EPS15L1: variants seen among roughly 807,000 people sequenced by gnomAD.
The protein encoded by EPS15L1 is epidermal growth factor receptor substrate 15-like 1.
In EPS15L1, 43 loss-of-function variants were observed where a neutral mutation model predicts 117.1. The observed-to-expected ratio is 0.37, with a 90% confidence interval of 0.29 to 0.47. The LOEUF (loss-of-function observed/expected upper bound fraction) is 0.47. Ranked by LOEUF, EPS15L1 falls within the 20% of genes least tolerant of loss-of-function variation. The pLI is 0.99. For missense variants in EPS15L1, 981 were observed against 1,164.0 expected, an observed-to-expected ratio of 0.84 and a Z score of 2.29; for synonymous variants, 459 against 470.5, an observed-to-expected ratio of 0.98 and a Z score of 0.32.
chr19:16,468,799 GC>G (rs2093324972), intron 1 of EPS15L1, among the ~76,000 whole-genome samples: 1 of 152,166 alleles, frequency 6.6e-6, no homozygotes, highest in Non-Finnish European at 1.5e-5. Context: ...ATTGCTTGAG[GC>G]TAGGGGTTTA....
At chr19:16,394,591 T>C (rs1366100810) in intron 17 of EPS15L1, among the ~76,000 whole-genome samples, 3 of 152,214 alleles carry the variant, frequency 2.0e-5, no homozygotes, top group Non-Finnish European at 4.4e-5. Flanking sequence ...GACAGAAACT[T>C]GGAAATCTTG....
At chr19:16,396,558 C>A (rs1468608914) in intron 16 of EPS15L1, among the ~76,000 whole-genome samples, 3 of 152,194 alleles carry the variant, frequency 2.0e-5, no homozygotes. Context: ...GCTACCGCAC[C>A]TGGCCTATCT....
chr19:16,355,633 A>G lies in EPS15L1; in HGVS notation c.*72T>C, dbSNP rs55712949. ...TACGGTGGCGACGGTGTGTGTGTGT[A>G]TATATAGACATCTGCACTGCCCCCT... is the stretch of plus-strand genomic sequence containing the variant. On this transcript the variant is annotated 3_prime_UTR_variant, in exon 24 of 24. Transcript: ENST00000455140. The G allele has an allele frequency of 0.047, 69,336 of 1,476,140 alleles. 1,782 individuals are homozygous for G. Among genetic ancestry groups the G allele is most frequent in the Non-Finnish European group, 0.055 (60,782 of 1,103,482 alleles). 91.4% of individuals were successfully genotyped at this position (1,476,140 alleles called of 1,614,324 possible).
rs202120798 is a variant in EPS15L1, at chr19:16,423,579, T to TA, written c.792+1503dup. On this transcript the variant is annotated intron_variant, in intron 9 of 23. Coordinates refer to ENST00000455140, the MANE Select transcript of EPS15L1 (RefSeq NM_001258374.3). ...AGCAAGATCCTGTCTCTTATATATT[T>TA]AAAAAAAAAAAATCTATGGATCTAA... Among the ~76,000 whole-genome samples the TA allele has an allele frequency of 9.2e-4, 136 of 147,056 alleles. 1 individual carries two copies. The highest frequency in any genetic ancestry group is 2.6e-3 in the African/African-American group (106 of 40,332).
chr19:16,412,774 T>C (rs2092720153), intron 13 of EPS15L1: 2 of 382,228 alleles, frequency 5.2e-6, no homozygotes, highest in Non-Finnish European at 9.9e-6. Flanking sequence ...CCACGGAGGT[T>C]TCAGCAGTGG....
chr19:16,402,764 T>A (rs2092615583), intron 15 of EPS15L1, among the ~76,000 whole-genome samples: 1 of 152,052 alleles, frequency 6.6e-6, no homozygotes, highest in Admixed American at 6.5e-5. Flanking sequence ...TCTGTATTTT[T>A]TGTAGAGATG....
chr19:16,410,945 G>A (rs1191728016), intron 13 of EPS15L1, among the ~76,000 whole-genome samples: 1 of 151,978 alleles, frequency 6.6e-6, no homozygotes, highest in Non-Finnish European at 1.5e-5. Flanking sequence ...TCCACACAAT[G>A]GAATATTATT....
intron 13 of EPS15L1, chr19:16,412,927 C>T: frequency 1.5e-6 from 1 of 653,490 alleles, no homozygotes; most frequent in Non-Finnish European, 2.9e-6. Flanking sequence ...GATCAAGTCC[C>T]TGGAGGAGAG....
At chr19:16,388,842 A>G (rs1354576338) in intron 19 of EPS15L1, among the ~76,000 whole-genome samples, 1 of 152,114 alleles carries the variant, frequency 6.6e-6, no homozygotes, top group Non-Finnish European at 1.5e-5. Flanking sequence ...ACAAACAAAC[A>G]AACAAACAAA....
At chr19:16,395,263 C>A in intron 17 of EPS15L1, 81 bp downstream of exon 17, 91 of 1,113,564 alleles carry the variant, frequency 8.2e-5, no homozygotes, top group Non-Finnish European at 1.0e-4. Context: ...CATGTCCTTA[C>A]TTTTCTAGTT....
intron 1 of EPS15L1, among the ~76,000 whole-genome samples, chr19:16,450,297 G>C (rs1383403816): frequency 6.6e-6 from 1 of 151,658 alleles, no homozygotes; most frequent in African/African-American, 2.4e-5. Flanking sequence ...GCCCTCCCCA[G>C]TCCATGTCAT....
intron 13 of EPS15L1, among the ~76,000 whole-genome samples, chr19:16,408,561 G>A (rs1365928260): frequency 6.6e-6 from 1 of 151,994 alleles, no homozygotes. Context: ...TCGGGAGGCT[G>A]AGGCAGGACA....
intron 19 of EPS15L1, among the ~76,000 whole-genome samples, chr19:16,389,656 AT>A (rs2092456934): frequency 6.6e-6 from 1 of 152,220 alleles, no homozygotes; most frequent in Non-Finnish European, 1.5e-5. Context: ...CAATGGATTA[AT>A]ACAAAAATTG....
chr19:16,394,660 T>A (rs2092520731), intron 17 of EPS15L1, among the ~76,000 whole-genome samples: 1 of 152,206 alleles, frequency 6.6e-6, no homozygotes, highest in Non-Finnish European at 1.5e-5. Flanking sequence ...CTCCTAAAAT[T>A]ATCCAGACCT....
rs542310426 is a variant in EPS15L1 at position 16,364,703 on chromosome 19, G to A, written c.2381-2719C>T. Among the ~76,000 whole-genome samples the A allele has an allele frequency of 4.7e-4, 72 of 152,318 alleles. 1 individual carries two copies. The South Asian group carries it at 6.0e-3, about 13-fold the overall frequency. On this transcript the variant is annotated intron_variant, in intron 22 of 23. Transcript: ENST00000455140. ...GGACGGGCAGGCAGCTCTGGCGGGC[G>A]GGGGTCAAGTGAGGCCTGCCCAGCC... is the stretch of plus-strand genomic sequence containing the variant.
intron 17 of EPS15L1, 72 bp from the exon 18 acceptor site, chr19:16,394,073 C>A: frequency 7.5e-7 from 1 of 1,340,756 alleles, no homozygotes; most frequent in Non-Finnish European, 1.1e-6. Context: ...TGGACACAGC[C>A]ACCCACCTCC....
rs532866310 is a variant in EPS15L1 at position 16,374,822 on chromosome 19, A to T, written c.2380+2300T>A. ...TGTGTAAATGTGTGTACACGTATGTAAGCACAGAGTGTGCATGCCCGGGTG... is the reference window on the plus strand; with the variant it reads ...TGTGTAAATGTGTGTACACGTATGTTAGCACAGAGTGTGCATGCCCGGGTG... On this transcript the variant is annotated intron_variant, in intron 22 of 23. Transcript: ENST00000455140. Among the ~76,000 whole-genome samples, 8 of 152,390 alleles carry T rather than the reference A, an allele frequency of 5.2e-5. No individual in the cohort carries two copies. In the East Asian group the frequency reaches 1.5e-3, roughly 29 times the overall value.
intron 22 of EPS15L1, among the ~76,000 whole-genome samples, chr19:16,376,915 G>A (rs976546707): frequency 4.6e-5 from 7 of 152,224 alleles, no homozygotes; most frequent in Admixed American, 3.3e-4. Context: ...CCCACAGGAC[G>A]GGGCGAGGGC....
intron 1 of EPS15L1, among the ~76,000 whole-genome samples, chr19:16,451,323 T>C (rs1043137703): frequency 6.6e-6 from 1 of 152,130 alleles, no homozygotes; most frequent in Non-Finnish European, 1.5e-5. Context: ...TTTAAAGACT[T>C]AGGAAACCTA....
Sources: allele counts gnomAD v4.1 joint callset (sites outside exome capture counted in the v4.1 genomes callset), GRCh38; gene constraint gnomAD v4.1.1; transcripts MANE v1.5; gene names NCBI Gene and HGNC (gene_info 2026-07-23, HGNC 2026-07-21).